SPHKAP: variants seen among roughly 807,000 people sequenced by gnomAD.
SPHKAP encodes SPHK1 interactor, AKAP domain containing.
In SPHKAP, 67 loss-of-function variants were observed where a neutral mutation model predicts 137.5. The observed-to-expected ratio is 0.49, with a 90% CI of 0.40 to 0.60. The LOEUF is 0.60. Among genes scored for constraint, SPHKAP ranks in the 20% least tolerant of loss-of-function variants. The probability of loss-of-function intolerance (pLI) is 0.00; values close to 1 mark genes in which losing one functional copy is unlikely to be tolerated. For missense variants in SPHKAP, 2,097 were observed against 2,069.3 expected (o/e 1.01, Z -0.26); for synonymous variants, 813 against 785.3 (o/e 1.04, Z -0.59).
At chr2:228,088,672 T>C (rs1330374188) in intron 3 of SPHKAP, among the ~76,000 whole-genome samples, 1 of 152,220 alleles carries the variant, frequency 6.6e-6, no homozygotes, top group East Asian at 1.9e-4. Context: ...CCCTCATGAA[T>C]GGCTTAGCAC....
chr2:228,072,129 T>A (rs1697024514), intron 3 of SPHKAP, among the ~76,000 whole-genome samples: 1 of 152,150 alleles, frequency 6.6e-6, no homozygotes, highest in African/African-American at 2.4e-5. Context: ...GATGAAACAT[T>A]GATCTTCTAC....
intron 1 of SPHKAP, among the ~76,000 whole-genome samples, chr2:228,157,193 G>A (rs1700132061): frequency 6.6e-6 from 1 of 152,164 alleles, no homozygotes; most frequent in African/African-American, 2.4e-5. Flanking sequence ...TAAGTTGATA[G>A]TTTTCTTTGT....
chr2:228,092,264 T>TACAC (rs374208825), intron 3 of SPHKAP, among the ~76,000 whole-genome samples: 2 of 144,174 alleles, frequency 1.4e-5, no homozygotes, highest in African/African-American at 5.2e-5. Context: ...TGTGTATACG[T>TACAC]ACACACACAC....
chr2:228,031,452 C>A (rs1695316351), intron 3 of SPHKAP, among the ~76,000 whole-genome samples: 1 of 152,210 alleles, frequency 6.6e-6, no homozygotes, highest in Non-Finnish European at 1.5e-5. Flanking sequence ...AGGGCACAGA[C>A]AAACAAAAAG....
chr2:228,118,240 G>GTTTTT (rs71299665), intron 2 of SPHKAP, among the ~76,000 whole-genome samples: 32 of 124,144 alleles, frequency 2.6e-4, no homozygotes, highest in African/African-American at 9.5e-4. Flanking sequence ...GAGATACACA[G>GTTTTT]TTTTTTTTTT....
intron 1 of SPHKAP, among the ~76,000 whole-genome samples, chr2:228,147,808 A>G (rs917870366): frequency 1.3e-5 from 2 of 152,182 alleles, no homozygotes; most frequent in African/African-American, 4.8e-5. Flanking sequence ...TTAAATCCCC[A>G]CAGCATCACA....
At chr2:228,159,365 A>G (rs1700205010) in intron 1 of SPHKAP, among the ~76,000 whole-genome samples, 1 of 152,112 alleles carries the variant, frequency 6.6e-6, no homozygotes, top group South Asian at 2.1e-4. Context: ...GTGTTTGTTA[A>G]CTGGCCTTAT....
intron 7 of SPHKAP, among the ~76,000 whole-genome samples, chr2:228,004,602 T>C (rs1459173767): frequency 2.0e-5 from 3 of 152,232 alleles, no homozygotes; most frequent in African/African-American, 7.2e-5. Flanking sequence ...CTGCTATCTT[T>C]TGCATGTGTT....
At chr2:228,167,487 A>G (rs766466666) in intron 1 of SPHKAP, among the ~76,000 whole-genome samples, 3 of 152,192 alleles carry the variant, frequency 2.0e-5, no homozygotes, top group Non-Finnish European at 4.4e-5. Context: ...TATTAAATCC[A>G]TGAGTCAGCA....
At chr2:228,104,907 C>T (rs1415388336) in intron 3 of SPHKAP, among the ~76,000 whole-genome samples, 1 of 152,122 alleles carries the variant, frequency 6.6e-6, no homozygotes, top group East Asian at 1.9e-4. Context: ...AAATTAAATT[C>T]TAGTAAACAT....
chr2:228,084,009 T>C (rs917923684), intron 3 of SPHKAP, among the ~76,000 whole-genome samples: 8 of 151,520 alleles, frequency 5.3e-5, no homozygotes, highest in African/African-American at 1.9e-4. Flanking sequence ...GATGACGGGT[T>C]GATATGGGCA....
intron 1 of SPHKAP, among the ~76,000 whole-genome samples, chr2:228,158,157 C>G (rs1001419149): frequency 7.2e-5 from 11 of 152,132 alleles, no homozygotes; most frequent in South Asian, 2.1e-4. Context: ...CAGTGAAATT[C>G]ATCAGCATTC....
At chr2:228,015,911 G>C (rs376136991) in intron 7 of SPHKAP, among the ~76,000 whole-genome samples, 36 of 151,076 alleles carry the variant, frequency 2.4e-4, no homozygotes, top group African/African-American at 8.2e-4. Context: ...ATATTTATTT[G>C]ACTGTTTTCA....
chr2:228,169,682 T>A (rs1177131129), intron 1 of SPHKAP: 1 of 152,116 alleles, frequency 6.6e-6, no homozygotes, highest in African/African-American at 2.4e-5. Context: ...ATCCATTCTG[T>A]AGCCCAAGGA....
In SPHKAP at chr2:228,046,602, A is replaced by C. The variant is rs183252957; in HGVS notation, c.247-19059T>G. ...TTGACAGCTACAGGATAGGGAACTG[A>C]GTTTTTTGTTTGTTTCTTTCATATT... On this transcript the variant is annotated intron_variant, in intron 3 of 11. Coordinates refer to ENST00000392056, the MANE Select transcript of SPHKAP (RefSeq NM_001142644.2). Among the ~76,000 whole-genome samples, 490 of 152,248 alleles carry C rather than the reference A, an allele frequency of 3.2e-3. 4 individuals are homozygous for C. Among genetic ancestry groups the C allele is most frequent in the South Asian group, 8.3e-3 (40 of 4,826 alleles).
At position 228,106,062 on chromosome 2, in the gene SPHKAP, C is replaced by T. The variant is rs563438740; in HGVS notation, c.246+2770G>A. On this transcript the variant is annotated intron_variant, in intron 3 of 11. Coordinates refer to ENST00000392056, the MANE Select transcript of SPHKAP (RefSeq NM_001142644.2). ...CTTCACTAAGACTTCTTATATTAAC[C>T]GTGAAATGAGTGCGGTTTCCCACTG... Among the ~76,000 whole-genome samples the T allele has an allele frequency of 6.0e-4, 92 of 152,208 alleles. 1 individual carries two copies. In the South Asian group the frequency reaches 0.018, roughly 30 times the overall value.
At chr2:228,134,831 C>A (rs940514896) in intron 1 of SPHKAP, among the ~76,000 whole-genome samples, 7 of 152,158 alleles carry the variant, frequency 4.6e-5, no homozygotes, top group Non-Finnish European at 1.0e-4. Flanking sequence ...CCCTTTCATG[C>A]AGGCCATCCC....
chr2:228,096,128 T>C (rs1275776457), intron 3 of SPHKAP, among the ~76,000 whole-genome samples: 3 of 152,096 alleles, frequency 2.0e-5, no homozygotes, highest in South Asian at 4.1e-4. Context: ...TTCAGACTAA[T>C]AAAACGTGGG....
intron 1 of SPHKAP, among the ~76,000 whole-genome samples, chr2:228,170,938 A>G (rs1700565700): frequency 6.6e-6 from 1 of 152,136 alleles, no homozygotes; most frequent in Non-Finnish European, 1.5e-5. Context: ...TAGAAATTAT[A>G]ATAAGAGGTC....
Sources: gnomAD v4.1 joint callset for allele counts (sites outside exome capture counted in the v4.1 genomes callset) on GRCh38, gnomAD v4.1.1 for gene constraint, MANE v1.5 for transcripts, NCBI Gene and HGNC (gene_info 2026-07-23, HGNC 2026-07-21) for gene names.